BEND6: variants seen among roughly 807,000 people sequenced by gnomAD.
The protein encoded by BEND6 is BEN domain-containing protein 6.
BEND6 carries 24 observed loss-of-function variants against 31.8 expected under a neutral mutation model. The ratio of observed to expected loss-of-function variants is 0.75; its 90% CI spans 0.55 to 1.06. BEND6 has a LOEUF of 1.06. Among genes scored for constraint, BEND6 ranks in the 50% least tolerant of loss-of-function variants. The pLI is 0.00. For synonymous variants in BEND6, 109 were observed against 114.6 expected (o/e 0.95, Z 0.31); for missense variants, 294 against 327.4 (o/e 0.90, Z 0.79).
chr6:57,023,588 AT>A (rs1402580302), intron 6 of BEND6, among the ~76,000 whole-genome samples: 4 of 152,140 alleles, frequency 2.6e-5, no homozygotes, highest in Non-Finnish European at 4.4e-5. Flanking sequence ...ATACCTTTTA[AT>A]TGGAAAACTG....
intron 3 of BEND6, among the ~76,000 whole-genome samples, chr6:56,998,752 C>CAA (rs769214781): frequency 2.1e-5 from 2 of 94,014 alleles, no homozygotes; most frequent in African/African-American, 4.0e-5. Context: ...GCAACAAAAG[C>CAA]AAAAAAAAAA....
chr6:57,010,420 C>T (rs1255940499), intron 3 of BEND6: 1 of 152,668 alleles, frequency 6.6e-6, no homozygotes. Flanking sequence ...GAAATTTGAA[C>T]ATTGACTAAG....
chr6:57,022,974 T>C (rs1213396820), intron 6 of BEND6, among the ~76,000 whole-genome samples: 1 of 152,220 alleles, frequency 6.6e-6, no homozygotes, highest in Non-Finnish European at 1.5e-5. Context: ...CATTCCATGG[T>C]GGTCATAAAA....
intron 3 of BEND6, among the ~76,000 whole-genome samples, chr6:57,004,053 A>G (rs1408633371): frequency 6.6e-6 from 1 of 152,204 alleles, no homozygotes; most frequent in African/African-American, 2.4e-5. Flanking sequence ...CACCTATGAC[A>G]AACCCACAGC....
At chr6:57,000,312 G>A (rs1826882151) in intron 3 of BEND6, among the ~76,000 whole-genome samples, 1 of 152,134 alleles carries the variant, frequency 6.6e-6, no homozygotes, top group Admixed American at 6.5e-5. Flanking sequence ...TCTGAAACAT[G>A]TGCTGTGTTA....
intron 3 of BEND6, among the ~76,000 whole-genome samples, chr6:56,996,928 G>A (rs1477083707): frequency 6.6e-6 from 1 of 152,166 alleles, no homozygotes; most frequent in Non-Finnish European, 1.5e-5. Context: ...CCAGCAGTGA[G>A]AATGATTCTG....
At chr6:57,011,868 G>A (rs1463594660) in intron 3 of BEND6, among the ~76,000 whole-genome samples, 1 of 152,134 alleles carries the variant, frequency 6.6e-6, no homozygotes, top group Non-Finnish European at 1.5e-5. Flanking sequence ...GCTCACGCCT[G>A]TAATCCCAGC....
intron 3 of BEND6, among the ~76,000 whole-genome samples, chr6:57,006,934 A>G (rs1218979016): frequency 6.6e-6 from 1 of 152,204 alleles, no homozygotes; most frequent in Non-Finnish European, 1.5e-5. Flanking sequence ...ACATACCGAT[A>G]ATCAATTGAT....
intron 3 of BEND6, among the ~76,000 whole-genome samples, chr6:57,011,190 G>A (rs1335880562): frequency 6.6e-6 from 1 of 152,274 alleles, no homozygotes; most frequent in East Asian, 1.9e-4. Flanking sequence ...AAAAAAAATG[G>A]AGATTGTTGT....
chr6:57,004,641 T>A, intron 3 of BEND6: 1 of 1,145,120 alleles, frequency 8.7e-7, no homozygotes, highest in Non-Finnish European at 1.3e-6. Context: ...GTGGGCTGAA[T>A]GCAATGGAGT....
intron 1 of BEND6, among the ~76,000 whole-genome samples, chr6:56,966,684 A>G (rs1338155434): frequency 6.6e-6 from 1 of 152,172 alleles, no homozygotes; most frequent in Non-Finnish European, 1.5e-5. Flanking sequence ...CCTCTGTGCT[A>G]TAGTCTTCTT....
At chr6:57,007,881 G>T (rs1827217114) in intron 3 of BEND6, among the ~76,000 whole-genome samples, 1 of 152,162 alleles carries the variant, frequency 6.6e-6, no homozygotes, top group Admixed American at 6.6e-5. Flanking sequence ...CCAATAACAG[G>T]AAGCAGACAA....
chr6:56,993,629 C>T (rs1373322123), intron 3 of BEND6, among the ~76,000 whole-genome samples: 1 of 152,158 alleles, frequency 6.6e-6, no homozygotes, highest in Non-Finnish European at 1.5e-5. Flanking sequence ...GTAGAAATAG[C>T]CACATGTAAG....
At chr6:56,976,861 G>A (rs1391973464) in intron 1 of BEND6, among the ~76,000 whole-genome samples, 7 of 152,218 alleles carry the variant, frequency 4.6e-5, no homozygotes, top group African/African-American at 1.7e-4. Context: ...ACTGCAACTG[G>A]TAGATTGTGT....
At position 56,992,302 on chromosome 6, in the gene BEND6, C is replaced by A. The variant is rs1826533987; in HGVS notation, c.121-76C>A. On this transcript the variant is annotated intron_variant, in intron 2 of 6. Coordinates refer to ENST00000370746, the MANE Select transcript of BEND6 (RefSeq NM_152731.3). ...AACAAGAAATTTGTAGTCCCAACAA[C>A]ATGCAATGGTTAACCAGAGATAAAC... 2.8e-6 allele frequency: 4 copies of A among 1,434,838 alleles called. No homozygotes were observed. The Admixed American group carries it at 9.8e-5, about 35-fold the overall frequency. The allele number at this position is 1,434,838 out of a possible 1,614,324, so 88.9% of individuals were successfully genotyped here.
intron 3 of BEND6, among the ~76,000 whole-genome samples, chr6:57,006,310 G>T (rs563447820): frequency 2.0e-5 from 3 of 152,198 alleles, no homozygotes; most frequent in Non-Finnish European, 2.9e-5. Context: ...GTGACGTGCA[G>T]TTACACAAGA....
chr6:56,988,175 C>G (rs1237919552), intron 2 of BEND6, among the ~76,000 whole-genome samples: 2 of 151,898 alleles, frequency 1.3e-5, no homozygotes, highest in Non-Finnish European at 2.9e-5. Flanking sequence ...TGCCATCAGG[C>G]CCGGCTAATT....
At chr6:56,982,071 C>G (rs1826092426) in intron 2 of BEND6, 141 bp downstream of exon 2, 6 of 1,075,674 alleles carry the variant, frequency 5.6e-6, no homozygotes, top group Non-Finnish European at 7.7e-6. Flanking sequence ...AAAATATAAT[C>G]TTATGTTCTT....
intron 1 of BEND6, among the ~76,000 whole-genome samples, chr6:56,976,855 C>A (rs1467898831): frequency 6.6e-6 from 1 of 152,184 alleles, no homozygotes; most frequent in African/African-American, 2.4e-5. Context: ...ATGAGCACTG[C>A]AACTGGTAGA....
Sources: gnomAD v4.1 joint callset for allele counts (sites outside exome capture counted in the v4.1 genomes callset) on GRCh38, gnomAD v4.1.1 for gene constraint, MANE v1.5 for transcripts, NCBI Gene and HGNC (gene_info 2026-07-23, HGNC 2026-07-21) for gene names.